Variants in SUMF1 observed in about 807,000 individuals in gnomAD.
SUMF1 encodes the protein sulfatase modifying factor 1.
Under a neutral mutation model 47.6 loss-of-function variants are expected in SUMF1, and 48 were observed. That is an observed-to-expected ratio of 1.01 (90% CI 0.80 to 1.28). SUMF1 has a LOEUF of 1.28. SUMF1 is among the 50% of genes most tolerant of loss of function. SUMF1 has a pLI of 0.00. For missense variants in SUMF1, 571 were observed against 485.4 expected, an observed-to-expected ratio of 1.18 and a Z score of -1.66; for synonymous variants, 230 against 192.1, an observed-to-expected ratio of 1.20 and a Z score of -1.63.
downstream of SUMF1, among the ~76,000 whole-genome samples, chr3:4,360,324 T>C (rs551282103): frequency 2.6e-5 from 4 of 151,510 alleles, no homozygotes; most frequent in African/African-American, 9.7e-5. Flanking sequence ...ACATGACTTT[T>C]TTTTTTTTTT....
At chr3:4,093,789 G>T (rs180690723) in intron 8 of SUMF1, among the ~76,000 whole-genome samples, 1 of 152,050 alleles carries the variant, frequency 6.6e-6, no homozygotes, top group Non-Finnish European at 1.5e-5. Flanking sequence ...AATTAACAAG[G>T]CAAGGTGGAA....
chr3:4,352,244 T>C (rs140444711), intron 8 of SUMF1, among the ~76,000 whole-genome samples: 1,617 of 152,280 alleles, frequency 0.011, 16 homozygotes, highest in Admixed American at 0.017. Flanking sequence ...CTGGGGCATC[T>C]TGAGTCCTAG....
At chr3:4,171,906 C>T (rs1243129308) in intron 8 of SUMF1, among the ~76,000 whole-genome samples, 1 of 152,082 alleles carries the variant, frequency 6.6e-6, no homozygotes, top group Non-Finnish European at 1.5e-5. Flanking sequence ...ACCACGATAT[C>T]CTTCTGTGCC....
At chr3:4,234,129 C>T (rs1225130250) in intron 8 of SUMF1, among the ~76,000 whole-genome samples, 3 of 152,074 alleles carry the variant, frequency 2.0e-5, no homozygotes, top group Non-Finnish European at 4.4e-5. Context: ...CCCATAGTTA[C>T]AGATAGTCAA....
intron 8 of SUMF1, among the ~76,000 whole-genome samples, chr3:4,330,508 G>A (rs894738631): frequency 6.6e-6 from 1 of 152,162 alleles, no homozygotes; most frequent in African/African-American, 2.4e-5. Flanking sequence ...AAAACCATCA[G>A]ATCTCACGAG....
chr3:4,467,045 A>G lies in SUMF1; in HGVS notation c.201T>C (p.Ala67=). 1.3e-6 allele frequency: 2 copies of G among 1,571,902 alleles called. No homozygotes were observed. Among genetic ancestry groups the G allele is most frequent in the Non-Finnish European group, 1.7e-6 (2 of 1,160,082 alleles). Residue 67 remains alanine, a synonymous_variant, in exon 1 of 9, where the codon GCT becomes GCC. Coordinates refer to ENST00000272902, the MANE Select transcript of SUMF1 (RefSeq NM_182760.4). ...RPGAHGSSAA[A]HRYSREANAP... is the part of the protein sequence containing the mutation. ...CGTTAGCCTCCCGCGAGTATCGGTGAGCGGCTGCCGAACTGCCATGGGCGC... is the reference window on the plus strand; with the variant it reads ...CGTTAGCCTCCCGCGAGTATCGGTGGGCGGCTGCCGAACTGCCATGGGCGC...
chr3:4,463,172 T>A (rs868773974), intron 1 of SUMF1, among the ~76,000 whole-genome samples: 1 of 152,190 alleles, frequency 6.6e-6, no homozygotes, highest in African/African-American at 2.4e-5. Flanking sequence ...GCTTCCAATG[T>A]AGAATATCAG....
chr3:4,305,420 A>C (rs1281766651), intron 8 of SUMF1, among the ~76,000 whole-genome samples: 1 of 151,798 alleles, frequency 6.6e-6, no homozygotes, highest in Non-Finnish European at 1.5e-5. Context: ...TGGGGAGGAG[A>C]CTCCCAGCTG....
chr3:4,177,385 T>A lies in SUMF1; in HGVS notation c.1015-108640A>T, dbSNP rs188294749. Among the ~76,000 whole-genome samples the A allele has an allele frequency of 1.5e-3, 234 of 152,226 alleles. 1 individual carries two copies. The highest frequency in any genetic ancestry group is 3.4e-3 in the Middle Eastern group (1 of 294). ...AAATTAGAACTCAGGATTAAGAAACTCACTCAAAACCGCACAACTACATGG... is the reference window on the plus strand; with the variant it reads ...AAATTAGAACTCAGGATTAAGAAACACACTCAAAACCGCACAACTACATGG... On this transcript the variant is annotated intron_variant and NMD_transcript_variant, in intron 8 of 12. Transcript: ENST00000448413.
At chr3:4,416,147 C>A (rs1701704362) in intron 6 of SUMF1, among the ~76,000 whole-genome samples, 1 of 152,126 alleles carries the variant, frequency 6.6e-6, no homozygotes, top group Non-Finnish European at 1.5e-5. Flanking sequence ...GGAAAACATG[C>A]CCCAAGCATT....
At chr3:4,438,558 T>C (rs1346355887) in intron 3 of SUMF1, among the ~76,000 whole-genome samples, 1 of 152,186 alleles carries the variant, frequency 6.6e-6, no homozygotes, top group East Asian at 1.9e-4. Flanking sequence ...CCAGAACCCC[T>C]ACTTACCTCT....
chr3:4,355,009 G>A (rs1034542571), intron 8 of SUMF1, among the ~76,000 whole-genome samples: 3 of 152,174 alleles, frequency 2.0e-5, no homozygotes, highest in African/African-American at 7.2e-5. Context: ...TATGATCCCA[G>A]ACAATCTTAT....
intron 8 of SUMF1, among the ~76,000 whole-genome samples, chr3:4,201,805 C>T (rs1335551880): frequency 1.3e-5 from 2 of 151,814 alleles, no homozygotes; most frequent in Non-Finnish European, 2.9e-5. Flanking sequence ...CATGTCTTTT[C>T]GATGAAAGCC....
intron 8 of SUMF1, among the ~76,000 whole-genome samples, chr3:4,129,575 T>C (rs994335205): frequency 6.6e-6 from 1 of 152,136 alleles, no homozygotes. Flanking sequence ...GGCCGGGTTC[T>C]CTTAAGGAAG....
At chr3:4,141,371 A>T (rs1424880204) in intron 8 of SUMF1, among the ~76,000 whole-genome samples, 1 of 152,116 alleles carries the variant, frequency 6.6e-6, no homozygotes, top group Non-Finnish European at 1.5e-5. Flanking sequence ...AGAAGCCTTT[A>T]AGAAGATCTG....
intron 8 of SUMF1, among the ~76,000 whole-genome samples, chr3:4,105,691 A>C (rs1480445457): frequency 6.6e-6 from 1 of 152,086 alleles, no homozygotes; most frequent in East Asian, 1.9e-4. Flanking sequence ...TGGGGAACTA[A>C]AATTTTTTTG....
chr3:4,406,060 G>C (rs7639208), intron 7 of SUMF1, among the ~76,000 whole-genome samples: 2 of 150,182 alleles, frequency 1.3e-5, no homozygotes, highest in Non-Finnish European at 1.5e-5. Flanking sequence ...CACACCGCCC[G>C]CCCCATGCTT....
intron 8 of SUMF1, among the ~76,000 whole-genome samples, chr3:4,332,497 C>A (rs1699069486): frequency 6.6e-6 from 1 of 152,118 alleles, no homozygotes; most frequent in Non-Finnish European, 1.5e-5. Flanking sequence ...AATTAAGAGA[C>A]CAGGAAAACC....
chr3:4,167,014 A>T (rs1339207463), intron 8 of SUMF1, among the ~76,000 whole-genome samples: 2 of 152,030 alleles, frequency 1.3e-5, no homozygotes, highest in Non-Finnish European at 2.9e-5. Context: ...AATAGGACAG[A>T]ACAGCAAGCA....
Sources: allele counts gnomAD v4.1 joint callset (sites outside exome capture counted in the v4.1 genomes callset), GRCh38; gene constraint gnomAD v4.1.1; transcripts MANE v1.5; gene names NCBI Gene and HGNC (gene_info 2026-07-23, HGNC 2026-07-21).